The following FSIP2 variants were observed in gnomAD, a reference collection of about 807,000 sequenced individuals.
The protein encoded by FSIP2 is fibrous sheath interacting protein 2, also known as fibrous sheath-interacting protein 2.
Under a neutral mutation model 510.5 loss-of-function variants are expected in FSIP2, and 367 were observed. The ratio of observed to expected loss-of-function variants is 0.72; its 90% CI spans 0.66 to 0.78. The LOEUF (loss-of-function observed/expected upper bound fraction) is 0.78, where lower values mean the gene tolerates loss of function less well. Among genes scored for constraint, FSIP2 ranks in the 30% least tolerant of loss-of-function variants. FSIP2 has a pLI of 0.00. For missense variants in FSIP2, 7,594 were observed against 7,901.7 expected, an observed-to-expected ratio of 0.96 and a Z score of 1.48; for synonymous variants, 2,601 against 2,732.2, an observed-to-expected ratio of 0.95 and a Z score of 1.50.
intron 13 of FSIP2, among the ~76,000 whole-genome samples, chr2:185,781,673 C>T (rs1484988316): frequency 3.3e-5 from 5 of 152,186 alleles, no homozygotes; most frequent in Non-Finnish European, 2.9e-5. Flanking sequence ...AGAAAGTTCT[C>T]CTATCTCTTT....
chr2:185,756,336 C>T, intron 9 of FSIP2, 58 bp downstream of exon 9: 1 of 612,138 alleles, frequency 1.6e-6, no homozygotes, highest in African/African-American at 1.9e-5. Context: ...GGGGGAAAGA[C>T]AGTTTTGTAA....
At chr2:185,765,614 A>G (rs1248894709) in intron 13 of FSIP2, 1 of 151,960 alleles carries the variant, frequency 6.6e-6, no homozygotes, top group African/African-American at 2.4e-5. Context: ...TTAGGATTGA[A>G]TTGGTGATGC....
chr2:185,813,562 A>G lies in FSIP2; in HGVS notation c.19845A>G (p.Ser6615=), dbSNP rs757087458. The change falls in exon 18 of 23, where the codon TCA becomes TCG. Residue 6615 remains serine, a synonymous_variant. Transcript: ENST00000424728. ...AATTTCAGGCCGTTGCTAGAAATTC[A>G]TTTCAGAATATAAGAAAGCCTGATA... ...VKPLEAVARN[S]FQNIRKPDIT... 1 of 1,530,426 alleles carries G rather than the reference A, an allele frequency of 6.5e-7. No homozygotes were observed. Among genetic ancestry groups the G allele is most frequent in the Non-Finnish European group, 8.8e-7 (1 of 1,142,406 alleles). 94.8% of individuals were successfully genotyped at this position (1,530,426 alleles called of 1,614,324 possible).
intron 15 of FSIP2, among the ~76,000 whole-genome samples, chr2:185,787,243 T>C (rs2105605725): frequency 6.6e-6 from 1 of 151,942 alleles, no homozygotes; most frequent in Admixed American, 6.6e-5. Context: ...AAGATTGTCA[T>C]CTCAAAATAT....
At position 185,800,806 on chromosome 2, in the gene FSIP2, T is replaced by C. The variant is rs145201297; in HGVS notation, c.11500T>C (p.Leu3834=). Residue 3834 remains leucine (L), a synonymous_variant, in exon 17 of 23, where the codon TTG becomes CTG. Transcript: ENST00000424728. ...ENVAEIDQDL[L]TSDSMLTIIS... is the part of the protein sequence containing the mutation. ...TGTGGCAGAAATTGATCAAGACTTA[T>C]TGACATCAGACTCTATGCTTACTAT... is the stretch of plus-strand genomic sequence containing the variant. 6.1e-4 allele frequency: 932 copies of C among 1,534,386 alleles called. 5 individuals carry two copies. The African/African-American group carries it at 0.011, about 19-fold the overall frequency.
At position 185,791,066 on chromosome 2, in the gene FSIP2, G is replaced by T; in HGVS notation, c.3930G>T (p.Leu1310=). The T allele has an allele frequency of 6.5e-7, 1 of 1,531,836 alleles. No individual in the cohort carries two copies. The highest frequency in any genetic ancestry group is 8.7e-7 in the Non-Finnish European group (1 of 1,144,638). 94.9% of individuals were successfully genotyped at this position (1,531,836 alleles called of 1,614,324 possible). Residue 1310 remains leucine (L), a synonymous_variant, in exon 16 of 23, where the codon CTG becomes CTT. Coordinates refer to ENST00000424728, the MANE Select transcript of FSIP2 (RefSeq NM_173651.4). The part of the protein sequence containing the change: ...NIVLCAIQNE[L]ELHKENLNLR... The stretch of plus-strand genomic sequence containing the variant: ...TTTTATGTGCTATCCAGAATGAACT[G>T]GAACTTCACAAGGAAAACCTAAATC...
At position 185,808,491 on chromosome 2, in the gene FSIP2, A is replaced by G. The variant is rs1693645289; in HGVS notation, c.19185A>G (p.Arg6395=). The G allele has an allele frequency of 5.6e-6, 9 of 1,608,712 alleles. No individual in the cohort carries two copies. Among genetic ancestry groups the G allele is most frequent in the Non-Finnish European group, 7.6e-6 (9 of 1,178,196 alleles). Residue 6395 remains arginine, a synonymous_variant, in exon 17 of 23, where the codon AGA becomes AGG. Transcript: ENST00000424728. ...LSKLVTAEIS[R]SSISLIASDP... The stretch of plus-strand genomic sequence containing the variant: ...AATTGGTAACAGCTGAAATTTCCAG[A>G]AGTAGCATTAGTCTAATAGCTTCTG...
chr2:185,774,451 C>T (rs1692675114), intron 13 of FSIP2, among the ~76,000 whole-genome samples: 1 of 152,046 alleles, frequency 6.6e-6, no homozygotes, highest in African/African-American at 2.4e-5. Context: ...GCAGAGAGTA[C>T]ATTATTGTGA....
At chr2:185,787,952 TTTTTA>T (rs1211748550) in intron 15 of FSIP2, 2 of 151,672 alleles carry the variant, frequency 1.3e-5, no homozygotes, top group African/African-American at 4.8e-5. Flanking sequence ...TTTTATTTTA[TTTTTA>T]TTTTATTTGT....
At position 185,797,042 on chromosome 2, in the gene FSIP2, G is replaced by GTT. The variant is rs1310585985; in HGVS notation, c.9908_9909dup (p.His3304PhefsTer6). 1 of 1,535,046 alleles carries GTT rather than the reference G, an allele frequency of 6.5e-7. No individual in the cohort carries two copies. Among genetic ancestry groups the GTT allele is most frequent in the African/African-American group, 1.4e-5 (1 of 72,898 alleles). ...TGGGAAAAGGTGAAAATCTAAGAGT[G>GTT]TTTCATTATGAGAACCTAAAACCAG... On this transcript the variant is annotated frameshift_variant, in exon 16 of 23. Coordinates refer to ENST00000424728, the MANE Select transcript of FSIP2 (RefSeq NM_173651.4). LOFTEE classifies it high-confidence loss of function.
At position 185,796,381 on chromosome 2, in the gene FSIP2, C is replaced by A; in HGVS notation, c.9245C>A (p.Ala3082Asp). ...HSFHSQLLTY[A>D]VNIISDMLAV... ...TTCCATTCACAATTACTTACATATG[C>A]TGTTAATATCATCAGTGACATGCTT... Residue 3082 changes from alanine (A) to aspartate (D), a missense_variant, in exon 16 of 23, where the codon GCT becomes GAT. Coordinates refer to ENST00000424728, the MANE Select transcript of FSIP2 (RefSeq NM_173651.4). The A allele has an allele frequency of 6.5e-7, 1 of 1,533,288 alleles. No individual in the cohort carries two copies. The highest frequency in any genetic ancestry group is 8.7e-7 in the Non-Finnish European group (1 of 1,144,866). 95.0% of individuals were successfully genotyped at this position (1,533,288 alleles called of 1,614,324 possible).
intron 19 of FSIP2, among the ~76,000 whole-genome samples, chr2:185,824,006 C>T (rs367859468): frequency 6.6e-6 from 1 of 151,658 alleles, no homozygotes; most frequent in Non-Finnish European, 1.5e-5. Flanking sequence ...TTTCATGATT[C>T]TCATATGAAG....
rs755961306 is a variant in FSIP2 at position 185,794,251 on chromosome 2, A to G, written c.7115A>G (p.Gln2372Arg). ...AAAAATGACTTAGACTTAGAAATTC[A>G]AAAGATATATCCATATCAAAACAAT... The part of the protein sequence containing the change: ...LIKNDLDLEI[Q>R]KIYPYQNNIL... Residue 2372 changes from glutamine to arginine, a missense_variant, in exon 16 of 23, where the codon CAA becomes CGA. By Grantham distance (43) the Gln-to-Arg change is conservative. Coordinates refer to ENST00000424728, the MANE Select transcript of FSIP2 (RefSeq NM_173651.4). The G allele has an allele frequency of 1.7e-5, 26 of 1,533,702 alleles. No individual in the cohort carries two copies. In the Admixed American group the frequency reaches 2.2e-4, roughly 13 times the overall value.
At chr2:185,763,392 AC>A (rs1407182459) in intron 12 of FSIP2, 103 bp downstream of exon 12, 4 of 657,090 alleles carry the variant, frequency 6.1e-6, no homozygotes, top group Non-Finnish European at 1.1e-5. Context: ...ACCATACAAA[AC>A]AACTTTATTC....
At chr2:185,750,546 A>C (rs767013414) in intron 7 of FSIP2, among the ~76,000 whole-genome samples, 6 of 127,194 alleles carry the variant, frequency 4.7e-5, no homozygotes, top group Middle Eastern at 3.9e-3. Context: ...TTTTCTTCTT[A>C]TTTCTCTTTT....
At chr2:185,822,285 T>A (rs1693937060) in intron 19 of FSIP2, among the ~76,000 whole-genome samples, 1 of 151,940 alleles carries the variant, frequency 6.6e-6, no homozygotes, top group Non-Finnish European at 1.5e-5. Flanking sequence ...AATTGTTGTT[T>A]ATAGATGACA....
Position 185,793,182 on chromosome 2 carries a change from C to A in FSIP2, c.6046C>A (p.Gln2016Lys). 1 of 1,533,916 alleles carries A rather than the reference C, an allele frequency of 6.5e-7. No individual in the cohort carries two copies. The highest frequency in any genetic ancestry group is 1.4e-5 in the African/African-American group (1 of 72,942). Residue 2016 changes from glutamine to lysine, a missense_variant, in exon 16 of 23, where the codon CAG (glutamine) becomes AAG (lysine). Coordinates refer to ENST00000424728, the MANE Select transcript of FSIP2 (RefSeq NM_173651.4). The stretch of plus-strand genomic sequence containing the variant: ...TAGAAGAAATTTACAAGGAATCAAA[C>A]AGGAATTAGATAAAGAAAGGGAAAA... ...VARRNLQGIK[Q>K]ELDKERENPF...
Position 185,802,203 on chromosome 2 carries a change from A to G in FSIP2, c.12897A>G (p.Ser4299=). The change falls in exon 17 of 23, where the codon TCA becomes TCG. Residue 4299 remains serine (S), a synonymous_variant. Coordinates refer to ENST00000424728, the MANE Select transcript of FSIP2 (RefSeq NM_173651.4). ...VIESHRPQKQ[S]PLDIHLDSFV... is the part of the protein sequence containing the mutation. ...AGTCACACAGACCTCAGAAGCAATC[A>G]CCTTTAGATATTCACCTTGATTCAT... 1 of 1,533,488 alleles carries G rather than the reference A, an allele frequency of 6.5e-7. No individual in the cohort carries two copies. The highest frequency in any genetic ancestry group is 1.2e-5 in the South Asian group (1 of 83,960). 95.0% of individuals were successfully genotyped at this position (1,533,488 alleles called of 1,614,324 possible). A position where few individuals can be genotyped will look rare whatever the true frequency, so the allele number is the denominator to read the frequency against.
chr2:185,832,878 A>C (rs1694133299), intron 22 of FSIP2, among the ~76,000 whole-genome samples: 3 of 151,964 alleles, frequency 2.0e-5, no homozygotes, highest in Admixed American at 2.0e-4. Context: ...AGACATTTTC[A>C]GAGAGTGTTC....
Sources: allele counts gnomAD v4.1 joint callset (sites outside exome capture counted in the v4.1 genomes callset), GRCh38; gene constraint gnomAD v4.1.1; transcripts MANE v1.5; gene names NCBI Gene and HGNC (gene_info 2026-07-23, HGNC 2026-07-21).